UBE3B: variants seen among roughly 807,000 people sequenced by gnomAD.
UBE3B encodes ubiquitin-protein ligase E3B.
In UBE3B, 80 loss-of-function variants were observed where a neutral mutation model predicts 132.3. The observed-to-expected ratio is 0.60, with a 90% confidence interval of 0.50 to 0.73. The LOEUF is 0.73. Ranked by LOEUF, UBE3B falls within the 30% of genes least tolerant of loss-of-function variation. The probability of loss-of-function intolerance (pLI) is 0.00; values close to 1 mark genes in which losing one functional copy is unlikely to be tolerated. For synonymous variants in UBE3B, 487 were observed against 520.4 expected (o/e 0.94, Z 0.87); for missense variants, 1,196 against 1,362.5 (o/e 0.88, Z 1.92).
chr12:109,506,636 C>G (rs117387539), intron 14 of UBE3B, among the ~76,000 whole-genome samples: 7,293 of 152,328 alleles, frequency 0.048, 217 homozygotes, highest in Non-Finnish European at 0.067. Flanking sequence ...CAGGCGTGAG[C>G]CACAGCACCG....
intron 18 of UBE3B, among the ~76,000 whole-genome samples, chr12:109,511,651 G>T (rs1236233496): frequency 6.6e-6 from 1 of 152,202 alleles, no homozygotes; most frequent in Non-Finnish European, 1.5e-5. Context: ...CAAATGTGCA[G>T]TGTGGCTGGA....
At chr12:109,540,249 T>C (rs1468872941), downstream of UBE3B, among the ~76,000 whole-genome samples, 1 of 152,162 alleles carries the variant, frequency 6.6e-6, no homozygotes, top group Non-Finnish European at 1.5e-5. Context: ...TTGCCCAGGC[T>C]GGATCAAGAT....
At chr12:109,497,349 A>G (rs1472351180) in intron 9 of UBE3B, among the ~76,000 whole-genome samples, 3 of 151,976 alleles carry the variant, frequency 2.0e-5, no homozygotes, top group African/African-American at 4.8e-5. Flanking sequence ...TATATTGTGT[A>G]TCTATAGTGT....
chr12:109,543,611 T>C, the UBE3B span, among the ~76,000 whole-genome samples: 3 of 152,206 alleles, frequency 2.0e-5, no homozygotes, highest in African/African-American at 7.2e-5. Context: ...GGCAGATGGA[T>C]GACTTGAAGT....
rs1881717796 is a variant in UBE3B, at chr12:109,521,563, A to G, written c.2364+12A>G. 3 of 1,520,028 alleles carry G rather than the reference A, an allele frequency of 2.0e-6. No homozygotes were observed. Among genetic ancestry groups the G allele is most frequent in the African/African-American group, 1.4e-5 (1 of 71,700 alleles). The allele number at this position is 1,520,028 out of a possible 1,614,324, so 94.2% of individuals were successfully genotyped here. A position where few individuals can be genotyped will look rare whatever the true frequency, so the allele number is the denominator to read the frequency against. On this transcript the variant is annotated intron_variant, in intron 21 of 27. Coordinates refer to ENST00000342494, the MANE Select transcript of UBE3B (RefSeq NM_130466.4). This position sits in a 1 kb window ranked among gnomAD's most constrained non-coding sequence, Gnocchi z 4.2. ...AGGCTGTGTATGAGGTAGGAACGTT[A>G]AGAAACAGAGAAATGTAAAATAAAA...
At chr12:109,532,258 G>C (rs1233215559) in intron 26 of UBE3B, among the ~76,000 whole-genome samples, 1 of 152,198 alleles carries the variant, frequency 6.6e-6, no homozygotes, top group Non-Finnish European at 1.5e-5. Flanking sequence ...TCCGTAGAGT[G>C]ATTGGATGAG....
Position 109,524,459 on chromosome 12 carries a change from G to A in UBE3B, c.2524G>A (p.Asp842Asn). 6.2e-7 allele frequency: 1 copy of A among 1,614,194 alleles called. No individual in the cohort carries two copies. The highest frequency in any genetic ancestry group is 8.5e-7 in the Non-Finnish European group (1 of 1,180,032). The stretch of plus-strand genomic sequence containing the variant: ...TTAGCGCTATGATGGGGACATCACT[G>A]ACCTGGGCCTGACGCTGTCTTACGA... ...SIKRYDGDITDLGLTLSYDED... is the reference protein window; with the variant it reads ...SIKRYDGDITNLGLTLSYDED... The change falls in exon 23 of 28, where the codon GAC becomes AAC. Residue 842 changes from aspartate (D) to asparagine (N), a missense_variant. Transcript: ENST00000342494.
chr12:109,510,419 G>A lies in UBE3B; in HGVS notation c.1817G>A (p.Cys606Tyr). 6.2e-7 allele frequency: 1 copy of A among 1,612,964 alleles called. No individual in the cohort carries two copies. Among genetic ancestry groups the A allele is most frequent in the Non-Finnish European group, 8.5e-7 (1 of 1,179,606 alleles). The change falls in exon 17 of 28, where the codon TGC (cysteine) becomes TAC (tyrosine). Residue 606 changes from cysteine (C) to tyrosine (Y), a missense_variant. Cys to Tyr is a radical substitution (Grantham distance 194, BLOSUM62 -2). Coordinates refer to ENST00000342494, the MANE Select transcript of UBE3B (RefSeq NM_130466.4). ...CTTATGGTGCTGTACGAGCGGGACT[G>A]CCGGCGGCGCTTCACCCCCGAGGAC... ...GWLMVLYERDCRRRFTPEDHW... is the reference protein window; with the variant it reads ...GWLMVLYERDYRRRFTPEDHW...
rs1288264721 is a variant in UBE3B, at chr12:109,507,550, T to C, written c.1451-14T>C. 9.3e-6 allele frequency: 15 copies of C among 1,607,794 alleles called. No homozygotes were observed. Among genetic ancestry groups the C allele is most frequent in the Non-Finnish European group, 1.3e-5 (15 of 1,176,890 alleles). On this transcript the variant is annotated splice_polypyrimidine_tract_variant and intron_variant, in intron 14 of 27. Coordinates refer to ENST00000342494, the MANE Select transcript of UBE3B (RefSeq NM_130466.4). ...TCTCCACCTGAAGCTTGGGTTTCTC[T>C]GTGTTTTTTCCAGGTCTCACTTACC...
chr12:109,507,484 T>C (rs1879835069), intron 14 of UBE3B, 80 bp from the exon 15 acceptor site: 2 of 1,477,548 alleles, frequency 1.4e-6, no homozygotes, highest in African/African-American at 1.4e-5. Flanking sequence ...TTAAGTGTTT[T>C]GTTTCCCCAC....
At chr12:109,501,252 T>C in intron 12 of UBE3B, 119 bp from the exon 13 acceptor site, 1 of 1,218,788 alleles carries the variant, frequency 8.2e-7, no homozygotes. Context: ...TTCTTTGCCA[T>C]GTTGAGTGCC....
In UBE3B at chr12:109,499,770, C is replaced by T; in HGVS notation, c.1078C>T (p.His360Tyr). 1 of 1,610,784 alleles carries T rather than the reference C, an allele frequency of 6.2e-7. No homozygotes were observed. Among genetic ancestry groups the T allele is most frequent in the Non-Finnish European group, 8.5e-7 (1 of 1,178,298 alleles). ...GAAGAAGTCCAACCTGACCCACTGG[C>T]ATCCTGTCCTTGGCTGGTTCTCCCA... is the stretch of plus-strand genomic sequence containing the variant. ...SQKKSNLTHW[H>Y]PVLGWFSQSV... Residue 360 changes from histidine (H) to tyrosine (Y), a missense_variant, in exon 12 of 28, where the codon CAT becomes TAT. Physicochemically the swap from His to Tyr is moderately conservative, Grantham distance 83. Transcript: ENST00000342494.
chr12:109,530,833 T>C (rs1056124160), intron 26 of UBE3B, among the ~76,000 whole-genome samples, 175 bp downstream of exon 26: 3 of 152,196 alleles, frequency 2.0e-5, no homozygotes, highest in Non-Finnish European at 4.4e-5. Context: ...AGAGAGGGGC[T>C]TGAGGGGCAC....
intron 21 of UBE3B, among the ~76,000 whole-genome samples, chr12:109,523,117 C>T (rs1200209431): frequency 6.6e-6 from 1 of 152,188 alleles, no homozygotes; most frequent in Non-Finnish European, 1.5e-5. Flanking sequence ...TGAGGAGTGG[C>T]ATGGATTAAC....
At position 109,515,159 on chromosome 12, in the gene UBE3B, C is replaced by T. The variant is rs548569790; in HGVS notation, c.1957-1606C>T. On this transcript the variant is annotated intron_variant, in intron 18 of 27. Coordinates refer to ENST00000342494, the MANE Select transcript of UBE3B (RefSeq NM_130466.4). ...CGATCTCCTGACCTCATGATCCGCC[C>T]GCCTAGGCCTCCCAAAGTGCTGGGA... 9.2e-5 allele frequency among the ~76,000 whole-genome samples: 14 copies of T among 151,976 alleles called. No homozygotes were observed. In the East Asian group the frequency reaches 2.1e-3, roughly 23 times the overall value.
At chr12:109,488,308 A>G (rs1368492056) in intron 6 of UBE3B, among the ~76,000 whole-genome samples, 3 of 152,222 alleles carry the variant, frequency 2.0e-5, no homozygotes, top group Admixed American at 6.5e-5. Context: ...AGCCCTGGTC[A>G]TCTTGTTTTC....
intron 24 of UBE3B, among the ~76,000 whole-genome samples, chr12:109,526,877 A>AT (rs1882401025): frequency 6.9e-6 from 1 of 144,114 alleles, no homozygotes; most frequent in Non-Finnish European, 1.6e-5. Context: ...TCTCAAAAAA[A>AT]AAAAAAAATT....
Position 109,530,151 on chromosome 12 carries a change from G to A in UBE3B, c.2810+79G>A. The A allele has an allele frequency of 1.9e-6, 3 of 1,554,468 alleles. No homozygotes were observed. The South Asian group carries it at 3.5e-5, about 18-fold the overall frequency. ...CTGCTCCCTCGCTGGGTTCCTTTTAGAGAGTTGTTTTAGGAGCCTGTCTCC... is the reference window on the plus strand; with the variant it reads ...CTGCTCCCTCGCTGGGTTCCTTTTAAAGAGTTGTTTTAGGAGCCTGTCTCC... On this transcript the variant is annotated intron_variant, in intron 25 of 27. Coordinates refer to ENST00000342494, the MANE Select transcript of UBE3B (RefSeq NM_130466.4).
At chr12:109,503,594 A>G (rs975093728) in intron 14 of UBE3B, among the ~76,000 whole-genome samples, 1 of 152,266 alleles carries the variant, frequency 6.6e-6, no homozygotes, top group African/African-American at 2.4e-5. Flanking sequence ...ATTGAAATAT[A>G]CAGCACTATG....
Sources: gnomAD v4.1 joint callset for allele counts (sites outside exome capture counted in the v4.1 genomes callset) on GRCh38, gnomAD v4.1.1 for gene constraint, Gnocchi (gnomAD v3.1) non-coding constraint, MANE v1.5 for transcripts, NCBI Gene and HGNC (gene_info 2026-07-23, HGNC 2026-07-21) for gene names.